The following CREM variants were observed in gnomAD, a reference collection of about 807,000 sequenced individuals.
The protein encoded by CREM is cAMP-responsive element modulator.
Under a neutral mutation model 37.3 loss-of-function variants are expected in CREM, and 13 were observed. The ratio of observed to expected loss-of-function variants is 0.35; its 90% CI spans 0.23 to 0.55. The LOEUF is 0.55. Ranked by LOEUF, CREM falls within the 20% of genes least tolerant of loss-of-function variation. The pLI is 0.88. For synonymous variants in CREM, 124 were observed against 120.2 expected (o/e 1.03, Z -0.21); for missense variants, 296 against 362.3 (o/e 0.82, Z 1.49).
At chr10:35,133,487 T>G (rs1042832811) in intron 1 of CREM, among the ~76,000 whole-genome samples, 3 of 152,040 alleles carry the variant, frequency 2.0e-5, no homozygotes, top group African/African-American at 7.2e-5. Flanking sequence ...TTTGCAGAGA[T>G]AGGGTTTTAC....
At chr10:35,188,526 A>G (rs1232732118) in intron 6 of CREM, 138 bp downstream of exon 6, 7 of 651,250 alleles carry the variant, frequency 1.1e-5, no homozygotes, top group African/African-American at 1.9e-5. Context: ...AGGCTTACAG[A>G]AGAAATATTT....
chr10:35,165,271 A>G (rs185079015), intron 3 of CREM, among the ~76,000 whole-genome samples: 39 of 151,938 alleles, frequency 2.6e-4, no homozygotes, highest in African/African-American at 8.7e-4. Flanking sequence ...GGAGCAAGAG[A>G]GAGGGGAAGT....
chr10:35,210,607 G>T (rs1237575736), intron 7 of CREM: 2 of 152,134 alleles, frequency 1.3e-5, no homozygotes, highest in African/African-American at 4.8e-5. Flanking sequence ...CTGAGTTATT[G>T]AGTGTTGTAT....
At chr10:35,199,091 G>C (rs2134170850) in intron 6 of CREM, among the ~76,000 whole-genome samples, 1 of 152,296 alleles carries the variant, frequency 6.6e-6, no homozygotes, top group Non-Finnish European at 1.5e-5. Flanking sequence ...GGAGGTTGCA[G>C]TGAGCTGAGA....
chr10:35,133,879 T>C (rs1288260093), intron 1 of CREM, among the ~76,000 whole-genome samples: 1 of 152,254 alleles, frequency 6.6e-6, no homozygotes, highest in Non-Finnish European at 1.5e-5. Flanking sequence ...GCATTAGCTA[T>C]ACTGTAGGCT....
At chr10:35,137,675 C>G (rs2090777728) in intron 1 of CREM, 107 bp from the exon 2 acceptor site, 1 of 431,726 alleles carries the variant, frequency 2.3e-6, no homozygotes, top group Admixed American at 4.6e-5. Flanking sequence ...TTAGAATATT[C>G]TTCCTGGCCT....
At chr10:35,155,099 C>T (rs1398290687) in intron 3 of CREM, among the ~76,000 whole-genome samples, 3 of 151,996 alleles carry the variant, frequency 2.0e-5, no homozygotes, top group Non-Finnish European at 4.4e-5. Context: ...AGTCAAATTT[C>T]AGAAAAATTT....
intron 1 of CREM, among the ~76,000 whole-genome samples, chr10:35,132,218 G>A (rs12774169): frequency 0.17 from 19,579 of 111,952 alleles, 1,648 homozygotes; most frequent in South Asian, 0.25. Context: ...AAAAAAAAAA[G>A]AAAAAAAAAT....
In CREM at chr10:35,208,750, G is replaced by A. The variant is rs533406361; in HGVS notation, c.755+1699G>A. On this transcript the variant is annotated intron_variant, in intron 7 of 7. Transcript: ENST00000685392. Reference sequence around the variant, plus strand: ...TCTGGCCCAACTGCAAACCTTTCCTGGAAGATCCTCCCAGCAACTTTCACC... The same window carrying A: ...TCTGGCCCAACTGCAAACCTTTCCTAGAAGATCCTCCCAGCAACTTTCACC... 5.3e-5 allele frequency among the ~76,000 whole-genome samples: 8 copies of A among 152,282 alleles called. No individual in the cohort carries two copies. In the South Asian group the frequency reaches 1.7e-3, roughly 32 times the overall value.
intron 5 of CREM, among the ~76,000 whole-genome samples, chr10:35,187,154 T>TTATATA (rs2094652244): frequency 5.5e-5 from 3 of 54,766 alleles, no homozygotes; most frequent in African/African-American, 6.9e-5. Flanking sequence ...ATAATATATA[T>TTATATA]AATATATATT....
intron 6 of CREM, among the ~76,000 whole-genome samples, chr10:35,200,963 A>C (rs950376756): frequency 6.6e-6 from 1 of 151,558 alleles, no homozygotes; most frequent in African/African-American, 2.4e-5. Context: ...TGGGTTTCTT[A>C]TTTATTTCTT....
At chr10:35,177,833 G>A (rs930910408) in intron 3 of CREM, among the ~76,000 whole-genome samples, 4 of 152,200 alleles carry the variant, frequency 2.6e-5, no homozygotes, top group African/African-American at 9.7e-5. Flanking sequence ...TGACAGATGT[G>A]TGACAGCCCG....
chr10:35,154,806 T>C (rs1046457237), intron 3 of CREM, among the ~76,000 whole-genome samples: 1 of 152,202 alleles, frequency 6.6e-6, no homozygotes, highest in African/African-American at 2.4e-5. Context: ...TAACTCATTA[T>C]TGAAGGTAAT....
At chr10:35,147,067 T>TCC (rs1564813449) in intron 2 of CREM, among the ~76,000 whole-genome samples, 37 of 145,446 alleles carry the variant, frequency 2.5e-4, no homozygotes, top group Admixed American at 5.5e-4. Context: ...TTTTTTTTTT[T>TCC]TAAGACGGAG....
intron 3 of CREM, among the ~76,000 whole-genome samples, chr10:35,168,735 A>C (rs1055716803): frequency 1.3e-5 from 2 of 152,208 alleles, no homozygotes; most frequent in African/African-American, 4.8e-5. Flanking sequence ...TTTTAGGTCT[A>C]ACATTTAAGT....
chr10:35,201,942 TCATACAGCA>T (rs907754179), intron 6 of CREM, among the ~76,000 whole-genome samples: 2 of 152,168 alleles, frequency 1.3e-5, no homozygotes, highest in African/African-American at 4.8e-5. Flanking sequence ...AAATTTTACT[TCATACAGCA>T]CACATTAACT....
intron 1 of CREM, among the ~76,000 whole-genome samples, chr10:35,131,915 A>T (rs1173071429): frequency 6.6e-6 from 1 of 152,178 alleles, no homozygotes; most frequent in Non-Finnish European, 1.5e-5. Flanking sequence ...TCAAAAGTTT[A>T]AAAATTTGGT....
Position 35,137,803 on chromosome 10 carries a change from A to G in CREM, c.-33A>G. The G allele has an allele frequency of 1.3e-6, 2 of 1,501,112 alleles. No homozygotes were observed. Among genetic ancestry groups the G allele is most frequent in the Non-Finnish European group, 1.8e-6 (2 of 1,108,208 alleles). 93.0% of individuals were successfully genotyped at this position (1,501,112 alleles called of 1,614,324 possible). The stretch of plus-strand genomic sequence containing the variant: ...GCAGGATAAATAAAGAAAACAGGAA[A>G]GGAGGAAAGCATTGATTACAAATAT... On this transcript the variant is annotated 5_prime_UTR_variant, in exon 2 of 8. Coordinates refer to ENST00000685392, the MANE Select transcript of CREM (RefSeq NM_183011.2).
intron 2 of CREM, among the ~76,000 whole-genome samples, chr10:35,138,786 G>T (rs35814343): frequency 0.29 from 44,203 of 151,182 alleles, 7,001 homozygotes; most frequent in South Asian, 0.35. Flanking sequence ...ACTTTGAGAG[G>T]CCAAGGTAGG....
Sources: gnomAD v4.1 joint callset for allele counts (sites outside exome capture counted in the v4.1 genomes callset) on GRCh38, gnomAD v4.1.1 for gene constraint, MANE v1.5 for transcripts, NCBI Gene and HGNC (gene_info 2026-07-23, HGNC 2026-07-21) for gene names.